LSM11: variants seen among roughly 807,000 people sequenced by gnomAD.
The protein encoded by LSM11 is LSM11, U7 small nuclear RNA associated.
A neutral mutation model predicts 28.1 loss-of-function variants in LSM11; 14 were observed. The observed-to-expected ratio is 0.50, with a 90% CI of 0.33 to 0.78. The LOEUF (loss-of-function observed/expected upper bound fraction) is 0.78. Among genes scored for constraint, LSM11 ranks in the 30% least tolerant of loss-of-function variants. The pLI is 0.02. For missense variants in LSM11, 495 were observed against 510.6 expected (o/e 0.97, Z 0.30); for synonymous variants, 207 against 214.2 (o/e 0.97, Z 0.30).
intron 2 of LSM11, among the ~76,000 whole-genome samples, chr5:157,752,310 A>G (rs1761250090): frequency 6.6e-6 from 1 of 151,366 alleles, no homozygotes; most frequent in Non-Finnish European, 1.5e-5. Context: ...TTGTATTTTT[A>G]GTAGAGACAG....
Position 157,754,088 on chromosome 5 carries a change from G to A in LSM11, c.672+1G>A. 1 of 1,556,320 alleles carries A rather than the reference G, an allele frequency of 6.4e-7. No individual in the cohort carries two copies. On this transcript the variant is annotated splice_donor_variant, in intron 3 of 3. Transcript: ENST00000286307. LOFTEE classifies it high-confidence loss of function. The stretch of plus-strand genomic sequence containing the variant: ...GGATTCTTCACTGACTCTCACTAGG[G>A]TAGGCAGTTTTCCCCTGACCTCCTG...
At chr5:157,744,308 G>A (rs1761113296) in intron 1 of LSM11, 110 bp downstream of exon 1, 7 of 831,354 alleles carry the variant, frequency 8.4e-6, no homozygotes, top group Non-Finnish European at 9.7e-6. Context: ...ACGTATTGCG[G>A]GAGCGCCTTG....
In LSM11 at chr5:157,755,049, AG is replaced by A. The variant is rs1486832806; in HGVS notation, c.871del (p.Glu291ArgfsTer53). ...CCCTTCTTCCCTGCAGGCCTCTGCA[AG>A]GGAGGAGTCCAGGTCAGAGCTGTCA... ...SVPSSLQASAREESRSELSGR... is the reference protein window; with the variant it reads ...SVPSSLQASAXEESRSELSGR... On this transcript the variant is annotated frameshift_variant, in exon 4 of 4. Transcript: ENST00000286307. LOFTEE classifies it high-confidence loss of function. 6.2e-7 allele frequency: 1 copy of A among 1,614,206 alleles called. No individual in the cohort carries two copies. The highest frequency in any genetic ancestry group is 1.7e-5 in the Admixed American group (1 of 60,024).
rs144526485 is a variant in LSM11 at position 157,751,511 on chromosome 5, C to T, written c.570C>T (p.Phe190=). ...RGVCTGFLVA[F]DKFWNMALTD... ...TCTGTACAGGCTTCCTTGTTGCATT[C>T]GACAAGTTCTGGAATATGGTAATTA... is the stretch of plus-strand genomic sequence containing the variant. The change falls in exon 2 of 4, where the codon TTC becomes TTT. Residue 190 remains phenylalanine, a synonymous_variant. Coordinates refer to ENST00000286307, the MANE Select transcript of LSM11 (RefSeq NM_173491.4). 246 of 1,612,310 alleles carry T rather than the reference C, an allele frequency of 1.5e-4. No homozygotes were observed. The African/African-American group carries it at 1.9e-3, about 12-fold the overall frequency.
At chr5:157,748,188 G>A (rs1761174663) in intron 1 of LSM11, among the ~76,000 whole-genome samples, 1 of 152,182 alleles carries the variant, frequency 6.6e-6, no homozygotes, top group Admixed American at 6.5e-5. Flanking sequence ...TTCCATTGCA[G>A]ACTCATAAGG....
Position 157,758,564 on chromosome 5 carries a change from CATA to C in LSM11, c.*3303_*3305del, listed in dbSNP as rs1761366468. On this transcript the variant is annotated 3_prime_UTR_variant, in exon 4 of 4. Coordinates refer to ENST00000286307, the MANE Select transcript of LSM11 (RefSeq NM_173491.4). ...CAGGAGAAGGAAAGAAAATGAGGAA[CATA>C]ATGATAGAGTCGGGGAACTCCCACT... The C allele has an allele frequency of 2.0e-5, 3 of 152,288 alleles. No individual in the cohort carries two copies. Among genetic ancestry groups the C allele is most frequent in the East Asian group, 3.9e-4 (2 of 5,184 alleles). The allele number at this position is 152,288 out of a possible 1,614,324, so 9.4% of individuals were successfully genotyped here.
intron 2 of LSM11, among the ~76,000 whole-genome samples, chr5:157,752,843 CAA>C (rs553164268): frequency 4.8e-5 from 5 of 103,296 alleles, no homozygotes; most frequent in Admixed American, 1.0e-4. Flanking sequence ...GAGACTCTGT[CAA>C]AAAAAAAAAA....
chr5:157,749,169 A>G (rs185479383), intron 1 of LSM11, among the ~76,000 whole-genome samples: 7 of 152,344 alleles, frequency 4.6e-5, no homozygotes, highest in East Asian at 1.9e-4. Flanking sequence ...TGAATTTGCC[A>G]TCTATTTAAT....
chr5:157,754,013 G>A lies in LSM11; in HGVS notation c.598G>A (p.Asp200Asn). The A allele has an allele frequency of 6.5e-7, 1 of 1,547,762 alleles. No homozygotes were observed. The highest frequency in any genetic ancestry group is 8.7e-7 in the Non-Finnish European group (1 of 1,149,292). ...FDKFWNMALTDVDETYRKPVL... is the reference protein window; with the variant it reads ...FDKFWNMALTNVDETYRKPVL... ...TGGGCTGTTCCTCTAGGCACTTACT[G>A]ATGTGGATGAGACCTACCGAAAACC... is the stretch of plus-strand genomic sequence containing the variant. The change falls in exon 3 of 4, where the codon GAT becomes AAT. Residue 200 changes from aspartate to asparagine, a missense_variant. By Grantham distance (23) the Asp-to-Asn change is conservative (BLOSUM62 1). Transcript: ENST00000286307.
chr5:157,749,780 C>T (rs1421691733), intron 1 of LSM11, among the ~76,000 whole-genome samples: 1 of 152,232 alleles, frequency 6.6e-6, no homozygotes, highest in Non-Finnish European at 1.5e-5. Context: ...CTGACATAAA[C>T]TCCTGCTAGT....
Position 157,754,996 on chromosome 5 carries a change from G to A in LSM11, c.815G>A (p.Arg272Gln), listed in dbSNP as rs762004760. The change falls in exon 4 of 4, where the codon CGG becomes CAG. Residue 272 changes from arginine (R) to glutamine (Q), a missense_variant. Coordinates refer to ENST00000286307, the MANE Select transcript of LSM11 (RefSeq NM_173491.4). ...GTGTGGGGAAGAGCAGACACTGGCC[G>A]GGGCTCACACAAGCGTTCCCGCTCT... ...ASVWGRADTG[R>Q]GSHKRSRSVP... 5 of 1,614,154 alleles carry A rather than the reference G, an allele frequency of 3.1e-6. No individual in the cohort carries two copies. Among genetic ancestry groups the A allele is most frequent in the Non-Finnish European group, 4.2e-6 (5 of 1,180,028 alleles).
At chr5:157,751,622 C>T in intron 2 of LSM11, 93 bp downstream of exon 2, 1 of 1,394,464 alleles carries the variant, frequency 7.2e-7, no homozygotes, top group African/African-American at 1.5e-5. Context: ...TTAAGTAAAA[C>T]CCAAAAAATA....
chr5:157,750,315 A>C (rs903738936), intron 1 of LSM11, among the ~76,000 whole-genome samples: 1 of 152,210 alleles, frequency 6.6e-6, no homozygotes. Flanking sequence ...ATATTGTGAG[A>C]GCTGAGTTAA....
chr5:157,744,019 C>T lies in LSM11; in HGVS notation c.269C>T (p.Pro90Leu), dbSNP rs1761105688. The T allele has an allele frequency of 7.4e-7, 1 of 1,354,716 alleles. No individual in the cohort carries two copies. The highest frequency in any genetic ancestry group is 9.5e-7 in the Non-Finnish European group (1 of 1,051,100). The allele number at this position is 1,354,716 out of a possible 1,614,324, so 83.9% of individuals were successfully genotyped here. A position where few individuals can be genotyped will look rare whatever the true frequency, so the allele number is the denominator to read the frequency against. ...AAAGSGVPAA[P>L]GPSGRTRRRP... is the part of the protein sequence containing the mutation. ...GCGGGCTCTGGGGTTCCCGCCGCAC[C>T]CGGGCCCTCGGGCAGGACTCGTCGC... Residue 90 changes from proline (P) to leucine (L), a missense_variant, in exon 1 of 4, where the codon CCC (proline) becomes CTC (leucine). Physicochemically the swap from Pro to Leu is moderately conservative, Grantham distance 98. Transcript: ENST00000286307.
chr5:157,754,025 A>G lies in LSM11; in HGVS notation c.610A>G (p.Thr204Ala). ...CTAGGCACTTACTGATGTGGATGAG[A>G]CCTACCGAAAACCTGTCCTAGGCAA... is the stretch of plus-strand genomic sequence containing the variant. ...WNMALTDVDE[T>A]YRKPVLGKAY... is the part of the protein sequence containing the mutation. Residue 204 changes from threonine to alanine, a missense_variant, in exon 3 of 4, where the codon ACC becomes GCC. By Grantham distance (58) the Thr-to-Ala change is moderately conservative. Transcript: ENST00000286307. The G allele has an allele frequency of 6.3e-7, 1 of 1,578,748 alleles. No homozygotes were observed. Among genetic ancestry groups the G allele is most frequent in the Non-Finnish European group, 8.6e-7 (1 of 1,163,598 alleles).
chr5:157,754,752 G>T, intron 3 of LSM11, 102 bp from the exon 4 acceptor site: 2 of 905,530 alleles, frequency 2.2e-6, no homozygotes, highest in Non-Finnish European at 3.3e-6. Context: ...AAAGCAAGGA[G>T]TCCACAGAAC....
intron 1 of LSM11, among the ~76,000 whole-genome samples, chr5:157,747,948 CAGTGCAACTAAGGAA>C (rs1761171286): frequency 6.6e-6 from 1 of 151,924 alleles, no homozygotes; most frequent in African/African-American, 2.4e-5. Flanking sequence ...CAGCTGTCTC[CAGTGCAACTAAGGAA>C]TAGTCTCAGA....
intron 2 of LSM11, among the ~76,000 whole-genome samples, chr5:157,752,447 T>C (rs374644126): frequency 3.4e-4 from 52 of 152,064 alleles, no homozygotes; most frequent in African/African-American, 1.1e-3. Context: ...GGTTTTATAA[T>C]GAGGGAGTGT....
chr5:157,749,190 G>T (rs1761188836), intron 1 of LSM11, among the ~76,000 whole-genome samples: 1 of 152,222 alleles, frequency 6.6e-6, no homozygotes, highest in South Asian at 2.1e-4. Context: ...TAGAGTAAGA[G>T]ACTGTTGCTA....
Sources: allele counts gnomAD v4.1 joint callset (sites outside exome capture counted in the v4.1 genomes callset), GRCh38; gene constraint gnomAD v4.1.1; transcripts MANE v1.5; gene names NCBI Gene and HGNC (gene_info 2026-07-23, HGNC 2026-07-21).